BRINP1: variants seen among roughly 807,000 people sequenced by gnomAD.
BRINP1 encodes BMP/retinoic acid inducible neural specific 1.
BRINP1 carries 17 observed loss-of-function variants against 72.9 expected under a neutral mutation model. The observed-to-expected ratio is 0.23, with a 90% CI of 0.16 to 0.35. BRINP1 has a LOEUF of 0.35. Ranked by LOEUF, BRINP1 falls within the 10% of genes least tolerant of loss-of-function variation. The pLI is 1.00. For synonymous variants in BRINP1, 418 were observed against 378.5 expected, an observed-to-expected ratio of 1.10 and a Z score of -1.21; for missense variants, 850 against 1,001.6, an observed-to-expected ratio of 0.85 and a Z score of 2.04.
At chr9:119,338,234 T>C (rs1488183753) in intron 1 of BRINP1, among the ~76,000 whole-genome samples, 1 of 58,548 alleles carries the variant, frequency 1.7e-5, no homozygotes, top group Non-Finnish European at 3.6e-5. Flanking sequence ...GTTTTTGTTT[T>C]TGTTTTTGTT....
chr9:119,224,359 C>T (rs1483973337), intron 5 of BRINP1, among the ~76,000 whole-genome samples: 7 of 151,952 alleles, frequency 4.6e-5, no homozygotes, highest in Non-Finnish European at 7.4e-5. Flanking sequence ...AAGTTGTATG[C>T]CACAGAATCA....
intron 2 of BRINP1, among the ~76,000 whole-genome samples, chr9:119,295,816 T>C (rs188562844): frequency 6.6e-6 from 1 of 152,282 alleles, no homozygotes; most frequent in Admixed American, 6.5e-5. Context: ...TAAATGTTGT[T>C]AGAAAAACAA....
At chr9:119,175,405 A>G (rs1225549966) in intron 7 of BRINP1, among the ~76,000 whole-genome samples, 1 of 152,162 alleles carries the variant, frequency 6.6e-6, no homozygotes, top group African/African-American at 2.4e-5. Context: ...TAGCATTAGG[A>G]GAAATACCTA....
intron 7 of BRINP1, among the ~76,000 whole-genome samples, chr9:119,171,934 C>T (rs554854329): frequency 2.1e-4 from 27 of 130,972 alleles, no homozygotes; most frequent in Non-Finnish European, 3.4e-4. Context: ...TTGAAACCAA[C>T]GAGAACAAAG....
intron 2 of BRINP1, among the ~76,000 whole-genome samples, chr9:119,280,698 C>T (rs568487867): frequency 5.9e-5 from 9 of 152,166 alleles, no homozygotes; most frequent in East Asian, 5.8e-4. Flanking sequence ...GTTTGTTGAA[C>T]GTCACTGTGT....
At chr9:119,339,379 C>T (rs952400048) in intron 1 of BRINP1, among the ~76,000 whole-genome samples, 6 of 152,178 alleles carry the variant, frequency 3.9e-5, no homozygotes, top group Non-Finnish European at 5.9e-5. Flanking sequence ...ACAACTACTT[C>T]GTGTTATATA....
At chr9:119,245,206 CACACACAT>C (rs1411447543) in intron 3 of BRINP1, among the ~76,000 whole-genome samples, 1 of 126,972 alleles carries the variant, frequency 7.9e-6, no homozygotes, top group South Asian at 3.0e-4. Flanking sequence ...CACACACACA[CACACACAT>C]ATACATGTTG....
chr9:119,278,671 C>T (rs560315163), intron 2 of BRINP1, among the ~76,000 whole-genome samples: 1 of 152,136 alleles, frequency 6.6e-6, no homozygotes, highest in Non-Finnish European at 1.5e-5. Context: ...AGCTGGATCA[C>T]GAGGTCAAGA....
chr9:119,281,054 A>G (rs927026547), intron 2 of BRINP1, among the ~76,000 whole-genome samples: 1 of 152,146 alleles, frequency 6.6e-6, no homozygotes, highest in African/African-American at 2.4e-5. Context: ...GGAGTTAATC[A>G]GGGTTTTAGG....
chr9:119,304,240 A>G (rs559726827), intron 2 of BRINP1, among the ~76,000 whole-genome samples: 1 of 152,206 alleles, frequency 6.6e-6, no homozygotes, highest in South Asian at 2.1e-4. Context: ...ATTTATCCTT[A>G]TTTTGCAGAT....
At chr9:119,364,018 C>CTTT (rs139650782) in intron 1 of BRINP1, among the ~76,000 whole-genome samples, 1 of 125,522 alleles carries the variant, frequency 8.0e-6, no homozygotes, top group Non-Finnish European at 1.7e-5. Flanking sequence ...TCATCCCTCC[C>CTTT]TTTTTTTTTT....
chr9:119,315,794 T>C (rs1028506878), intron 1 of BRINP1, among the ~76,000 whole-genome samples: 1 of 151,758 alleles, frequency 6.6e-6, no homozygotes, highest in Non-Finnish European at 1.5e-5. Context: ...ATGAAGAGAG[T>C]TTTAGAGGTC....
At chr9:119,205,279 C>T (rs1391253117) in intron 7 of BRINP1, among the ~76,000 whole-genome samples, 1 of 152,144 alleles carries the variant, frequency 6.6e-6, no homozygotes, top group African/African-American at 2.4e-5. Flanking sequence ...GTACCTAGCA[C>T]TCAAAATTCC....
chr9:119,313,738 C>A (rs1831094024), intron 1 of BRINP1, among the ~76,000 whole-genome samples: 1 of 152,094 alleles, frequency 6.6e-6, no homozygotes, highest in Non-Finnish European at 1.5e-5. Flanking sequence ...TATCTTGGCA[C>A]TTGGCACATC....
At chr9:119,361,520 T>C (rs1451505493) in intron 1 of BRINP1, among the ~76,000 whole-genome samples, 3 of 152,244 alleles carry the variant, frequency 2.0e-5, no homozygotes, top group South Asian at 2.1e-4. Flanking sequence ...AATTTCCTTA[T>C]TTTTTAGAAG....
chr9:119,241,325 C>T (rs1039985444), intron 4 of BRINP1, among the ~76,000 whole-genome samples: 2 of 152,144 alleles, frequency 1.3e-5, no homozygotes, highest in Non-Finnish European at 2.9e-5. Flanking sequence ...CAGCAAACCA[C>T]AGAGTGCCTG....
At chr9:119,352,391 G>A (rs574528822) in intron 1 of BRINP1, among the ~76,000 whole-genome samples, 1 of 152,042 alleles carries the variant, frequency 6.6e-6, no homozygotes, top group African/African-American at 2.4e-5. Flanking sequence ...CTTTTAAAAG[G>A]CTCTCATTTC....
intron 2 of BRINP1, among the ~76,000 whole-genome samples, chr9:119,283,989 T>C (rs552348907): frequency 1.3e-5 from 2 of 152,304 alleles, no homozygotes; most frequent in South Asian, 2.1e-4. Flanking sequence ...CTCTGGGGAA[T>C]TGCAGAATTC....
intron 1 of BRINP1, among the ~76,000 whole-genome samples, chr9:119,364,305 AG>A (rs1831667896): frequency 6.6e-6 from 1 of 152,188 alleles, no homozygotes; most frequent in South Asian, 2.1e-4. Flanking sequence ...ATTCCAACAA[AG>A]CTCTTCAAAT....
Sources: gnomAD v4.1 joint callset for allele counts (sites outside exome capture counted in the v4.1 genomes callset) on GRCh38, gnomAD v4.1.1 for gene constraint, MANE v1.5 for transcripts, NCBI Gene and HGNC (gene_info 2026-07-23, HGNC 2026-07-21) for gene names.